The following PABPC1 variants were observed in gnomAD, a reference collection of about 807,000 sequenced individuals.
The protein encoded by PABPC1 is polyadenylate-binding protein 1.
PABPC1 carries 4 observed loss-of-function variants against 74.0 expected under a neutral mutation model. That is an observed-to-expected ratio of 0.05 (90% CI 0.03 to 0.12). The LOEUF (loss-of-function observed/expected upper bound fraction) is 0.12, where lower values mean the gene tolerates loss of function less well. Ranked by LOEUF, PABPC1 falls within the 10% of genes least tolerant of loss-of-function variation. The probability of loss-of-function intolerance (pLI) is 1.00; values close to 1 mark genes in which losing one functional copy is unlikely to be tolerated. For synonymous variants in PABPC1, 227 were observed against 264.1 expected (o/e 0.86, Z 1.36); for missense variants, 271 against 821.1 (o/e 0.33, Z 8.19).
intron 9 of PABPC1, 138 bp downstream of exon 9, chr8:100,708,995 G>A (rs953843483): frequency 1.4e-6 from 1 of 730,118 alleles, no homozygotes; most frequent in East Asian, 2.5e-5. Flanking sequence ...GCTTTTAAAT[G>A]CTATAAAAAT....
At chr8:100,709,905 A>T (rs889888701) in intron 7 of PABPC1, 174 bp from the exon 8 acceptor site, 3 of 680,748 alleles carry the variant, frequency 4.4e-6, no homozygotes, top group Admixed American at 3.0e-5. Flanking sequence ...CCCAATTATT[A>T]AGGGCAAACT....
chr8:100,708,521 C>G (rs1238637161), intron 9 of PABPC1, among the ~76,000 whole-genome samples: 1 of 152,104 alleles, frequency 6.6e-6, no homozygotes, highest in African/African-American at 2.4e-5. Flanking sequence ...CATAAAATAC[C>G]ACGACTCTGA....
At chr8:100,713,430 TAA>T (rs967807437) in intron 4 of PABPC1, among the ~76,000 whole-genome samples, 1 of 152,194 alleles carries the variant, frequency 6.6e-6, no homozygotes, top group East Asian at 1.9e-4. Flanking sequence ...TAAACGGCTG[TAA>T]AAAGTTTTAT....
At chr8:100,709,876 TC>T (rs1810482858) in intron 7 of PABPC1, 145 bp from the exon 8 acceptor site, 1 of 937,376 alleles carries the variant, frequency 1.1e-6, no homozygotes, top group Admixed American at 2.9e-5. Context: ...CCCATTGAGT[TC>T]ACAATTTTTC....
chr8:100,720,166 A>G (rs59386530), intron 1 of PABPC1, among the ~76,000 whole-genome samples: 7,605 of 151,802 alleles, frequency 0.05, 626 homozygotes, highest in African/African-American at 0.17. Flanking sequence ...GTAGGGGGGG[A>G]AAAAGGCAAA....
intron 9 of PABPC1, among the ~76,000 whole-genome samples, chr8:100,708,551 G>A (rs762376753): frequency 3.9e-4 from 60 of 152,184 alleles, no homozygotes; most frequent in Admixed American, 1.8e-3. Context: ...ATGATTAAAT[G>A]GAACGAGACC....
intron 9 of PABPC1, among the ~76,000 whole-genome samples, chr8:100,707,639 C>A (rs1810416099): frequency 6.6e-6 from 1 of 152,196 alleles, no homozygotes; most frequent in African/African-American, 2.4e-5. Context: ...TGAAGGCAGA[C>A]TAGGAGCGTG....
chr8:100,714,285 T>C (rs1025630465), intron 4 of PABPC1, among the ~76,000 whole-genome samples: 1 of 152,218 alleles, frequency 6.6e-6, no homozygotes, highest in Non-Finnish European at 1.5e-5. Context: ...AGCATGACAG[T>C]TGAAATATAT....
At chr8:100,713,232 T>C in intron 4 of PABPC1, 51 bp from the exon 5 acceptor site, 4 of 1,072,852 alleles carry the variant, frequency 3.7e-6, no homozygotes, top group Non-Finnish European at 4.0e-6. Flanking sequence ...ACATTCACGT[T>C]ATACATTTCA....
chr8:100,709,230 G>A lies in PABPC1; in HGVS notation c.1246-7C>T. The A allele has an allele frequency of 6.2e-7, 1 of 1,608,284 alleles. No homozygotes were observed. The highest frequency in any genetic ancestry group is 8.5e-7 in the Non-Finnish European group (1 of 1,176,064). On this transcript the variant is annotated splice_polypyrimidine_tract_variant and splice_region_variant and intron_variant, in intron 8 of 14. Transcript: ENST00000318607. ...ATGCAGCACGGTTCTGAGTCTGCAGGGAAAAAAAGCACATGAGTTTATCAG... is the reference window on the plus strand; with the variant it reads ...ATGCAGCACGGTTCTGAGTCTGCAGAGAAAAAAAGCACATGAGTTTATCAG...
chr8:100,708,316 C>T (rs1374571388), intron 9 of PABPC1, among the ~76,000 whole-genome samples: 2 of 152,210 alleles, frequency 1.3e-5, no homozygotes, highest in Non-Finnish European at 2.9e-5. Context: ...ATTAGCTGGG[C>T]GTGGTGGCGT....
At chr8:100,714,052 A>AG (rs1810599774) in intron 4 of PABPC1, among the ~76,000 whole-genome samples, 1 of 152,230 alleles carries the variant, frequency 6.6e-6, no homozygotes, top group Non-Finnish European at 1.5e-5. Flanking sequence ...GTGGTATCTC[A>AG]GGCAAGTGGG....
At chr8:100,704,065 A>AT (rs2129661867) in intron 14 of PABPC1, 1 of 399,698 alleles carries the variant, frequency 2.5e-6, no homozygotes, top group East Asian at 4.9e-5. Context: ...AAAAAAAAAA[A>AT]AAAAAAAAAA....
chr8:100,716,215 C>A (rs1810665271), intron 3 of PABPC1, among the ~76,000 whole-genome samples: 1 of 152,122 alleles, frequency 6.6e-6, no homozygotes, highest in African/African-American at 2.4e-5. Context: ...TTCAGCCTAG[C>A]CAACATGGTG....
At chr8:100,708,885 A>AAATAATAAATAAATAATC (rs1200974363) in intron 9 of PABPC1, among the ~76,000 whole-genome samples, 1 of 150,560 alleles carries the variant, frequency 6.6e-6, no homozygotes, top group African/African-American at 2.4e-5. Flanking sequence ...TCTCGAAAAT[A>AAATAATAAATAAATAATC]AATAAATAAA....
intron 9 of PABPC1, among the ~76,000 whole-genome samples, chr8:100,708,406 A>G (rs577117285): frequency 3.3e-5 from 5 of 152,124 alleles, no homozygotes; most frequent in Admixed American, 1.3e-4. Context: ...CAGTAAGCCA[A>G]GACCATGCCA....
In PABPC1 at chr8:100,706,644, T is replaced by A; in HGVS notation, c.1602+7A>T. On this transcript the variant is annotated splice_region_variant and intron_variant, in intron 11 of 14. Transcript: ENST00000318607. ...TGATTTTTATTAAGAAATCATTAAA[T>A]CCATACCTGTTGCATTGTAACTTGT... 2 of 1,484,228 alleles carry A rather than the reference T, an allele frequency of 1.3e-6. No homozygotes were observed. The highest frequency in any genetic ancestry group is 9.1e-7 in the Non-Finnish European group (1 of 1,099,470). The allele number at this position is 1,484,228 out of a possible 1,614,324, so 91.9% of individuals were successfully genotyped here.
chr8:100,703,215 C>T lies in PABPC1; in HGVS notation c.*146G>A, dbSNP rs1341604304. 1.8e-5 allele frequency: 3 copies of T among 167,092 alleles called. No individual in the cohort carries two copies. Among genetic ancestry groups the T allele is most frequent in the South Asian group, 2.1e-4 (1 of 4,828 alleles). The allele number at this position is 167,092 out of a possible 1,614,324, so 10.4% of individuals were successfully genotyped here. A position where few individuals can be genotyped will look rare whatever the true frequency, so the allele number is the denominator to read the frequency against. On this transcript the variant is annotated 3_prime_UTR_variant, in exon 15 of 15. Transcript: ENST00000318607. ...ATGTTTGCTAGACCTGGCATTTGCT[C>T]GGTACATAAGGTTCAAAGTTTCCTT...
In PABPC1 at chr8:100,712,656, T is replaced by A; in HGVS notation, c.872A>T (p.Tyr291Phe). 2 of 1,601,538 alleles carry A rather than the reference T, an allele frequency of 1.2e-6. No homozygotes were observed. Among genetic ancestry groups the A allele is most frequent in the Non-Finnish European group, 1.7e-6 (2 of 1,176,876 alleles). Reference sequence around the variant, plus strand: ...GTTGTTCAATTAAAAATGAACCTGGTATCTGGTGATCCTATCTTGTTTCAT... The same window carrying A: ...GTTGTTCAATTAAAAATGAACCTGGAATCTGGTGATCCTATCTTGTTTCAT... ...EQMKQDRITRYQGVNLYVKNL... is the reference protein window; with the variant it reads ...EQMKQDRITRFQGVNLYVKNL... Residue 291 changes from tyrosine to phenylalanine, a missense_variant, in exon 6 of 15, where the codon TAC becomes TTC. This residue lies in a region of PABPC1 where 78 missense variants were observed against 202.8 expected (regional missense o/e 0.38). Transcript: ENST00000318607.
Sources: allele counts gnomAD v4.1 joint callset (sites outside exome capture counted in the v4.1 genomes callset), GRCh38; gene constraint gnomAD v4.1.1; regional missense constraint gnomAD v4.1.1; transcripts MANE v1.5; gene names NCBI Gene and HGNC (gene_info 2026-07-23, HGNC 2026-07-21).